Variants in ENPP2 observed in about 807,000 individuals in gnomAD.
ENPP2 encodes autotaxin.
ENPP2 carries 51 observed loss-of-function variants against 120.2 expected under a neutral mutation model. That is an observed-to-expected ratio of 0.42 (90% CI 0.34 to 0.54). ENPP2 has a LOEUF of 0.54. Among genes scored for constraint, ENPP2 ranks in the 20% least tolerant of loss-of-function variants. The pLI, the probability that ENPP2 is intolerant of heterozygous loss-of-function variation, is 0.04. For missense variants in ENPP2, 920 were observed against 1,066.5 expected, an observed-to-expected ratio of 0.86 and a Z score of 1.91; for synonymous variants, 365 against 366.4, an observed-to-expected ratio of 1.00 and a Z score of 0.04.
intron 19 of ENPP2, among the ~76,000 whole-genome samples, 174 bp downstream of exon 19, chr8:119,579,942 C>A (rs1401322533): frequency 6.6e-6 from 1 of 152,112 alleles, no homozygotes; most frequent in Non-Finnish European, 1.5e-5. Flanking sequence ...CAGCTGGCAT[C>A]TTGTGTACAT....
Position 119,617,495 on chromosome 8 carries a change from C to A in ENPP2, c.548G>T (p.Ser183Ile). Residue 183 changes from serine (S) to isoleucine (I), a missense_variant, in exon 6 of 25, where the codon AGC becomes ATC. By Grantham distance (142) the Ser-to-Ile change is moderately radical. Coordinates refer to ENST00000075322, the MANE Select transcript of ENPP2 (RefSeq NM_001040092.3). Reference protein sequence around the residue: ...GFRASYMKKGSKVMPNIEKLR... With the variant: ...GFRASYMKKGIKVMPNIEKLR... The stretch of plus-strand genomic sequence containing the variant: ...TTTTTCAATATTAGGCATGACTTTG[C>A]TGCCTTTCTTCATGTATGATGCACG... The A allele has an allele frequency of 6.2e-7, 1 of 1,612,778 alleles. No homozygotes were observed. Among genetic ancestry groups the A allele is most frequent in the Middle Eastern group, 1.7e-4 (1 of 6,058 alleles).
chr8:119,603,967 A>G (rs1814500130), intron 9 of ENPP2, among the ~76,000 whole-genome samples: 1 of 150,210 alleles, frequency 6.7e-6, no homozygotes, highest in South Asian at 2.1e-4. Context: ...TAGGTGCAAC[A>G]TTTAACCTCT....
chr8:119,645,739 C>T (rs1309668300), intron 1 of ENPP2, among the ~76,000 whole-genome samples: 1 of 150,016 alleles, frequency 6.7e-6, no homozygotes, highest in Non-Finnish European at 1.5e-5. Flanking sequence ...CGCTTGAACC[C>T]GGGGAGTGGA....
At chr8:119,631,678 C>T (rs1474576977) in intron 2 of ENPP2, among the ~76,000 whole-genome samples, 1 of 152,156 alleles carries the variant, frequency 6.6e-6, no homozygotes, top group African/African-American at 2.4e-5. Flanking sequence ...GGAATATTCA[C>T]TCTGCCTTTC....
In ENPP2 at chr8:119,615,568, C is replaced by A. The variant is rs1815401446; in HGVS notation, c.777+697G>T. ...TGATCTGAAGTAAACAGGGTGATTT[C>A]TTTTCAAAGTATTAATTTGCTATTT... On this transcript the variant is annotated intron_variant, in intron 8 of 24. Coordinates refer to ENST00000075322, the MANE Select transcript of ENPP2 (RefSeq NM_001040092.3). 2.0e-5 allele frequency among the ~76,000 whole-genome samples: 3 copies of A among 152,152 alleles called. No homozygotes were observed. The South Asian group carries it at 6.2e-4, about 31-fold the overall frequency.
At chr8:119,579,543 G>A (rs1038091109) in intron 19 of ENPP2, among the ~76,000 whole-genome samples, 2 of 148,630 alleles carry the variant, frequency 1.3e-5, no homozygotes, top group South Asian at 2.2e-4. Context: ...AGCGAGAAAC[G>A]CCTCTTAGTA....
In ENPP2 at chr8:119,636,951, C is replaced by T. The variant is rs73714489; in HGVS notation, c.136+1474G>A. On this transcript the variant is annotated intron_variant, in intron 2 of 24. Coordinates refer to ENST00000075322, the MANE Select transcript of ENPP2 (RefSeq NM_001040092.3). ...AATGACTGTTTTCCAAAAGAAGTCA[C>T]CTTTAAAAATAATGAGTGACTCAAT... Among the ~76,000 whole-genome samples, 469 of 152,034 alleles carry T rather than the reference C, an allele frequency of 3.1e-3. 3 individuals are homozygous for T. Among genetic ancestry groups the T allele is most frequent in the African/African-American group, 0.011 (455 of 41,466 alleles).
intron 2 of ENPP2, among the ~76,000 whole-genome samples, chr8:119,629,868 T>C (rs781711039): frequency 6.6e-5 from 10 of 152,068 alleles, no homozygotes; most frequent in Non-Finnish European, 1.3e-4. Context: ...GTACTTACAA[T>C]TGAATATTCC....
At chr8:119,593,459 C>T (rs1295529567) in intron 12 of ENPP2, among the ~76,000 whole-genome samples, 1 of 152,158 alleles carries the variant, frequency 6.6e-6, no homozygotes, top group Non-Finnish European at 1.5e-5. Context: ...CTATTAATGT[C>T]ACAAGGAAAC....
At chr8:119,647,584 A>G (rs1274356411) in intron 1 of ENPP2, among the ~76,000 whole-genome samples, 1 of 152,222 alleles carries the variant, frequency 6.6e-6, no homozygotes, top group Non-Finnish European at 1.5e-5. Flanking sequence ...GTTTCCAAAT[A>G]AAATCTTAAA....
intron 2 of ENPP2, 70 bp from the exon 3 acceptor site, chr8:119,626,790 G>A (rs1816311692): frequency 7.1e-7 from 1 of 1,415,870 alleles, no homozygotes; most frequent in Admixed American, 1.7e-5. Flanking sequence ...GTGGCACTGG[G>A]AAGCTGTGCG....
intron 1 of ENPP2, among the ~76,000 whole-genome samples, chr8:119,669,940 T>C (rs988640788): frequency 6.6e-6 from 1 of 152,226 alleles, no homozygotes; most frequent in Admixed American, 6.5e-5. Context: ...AAATTCTCCA[T>C]CACTTTCTAC....
chr8:119,613,218 G>A (rs918249726), intron 8 of ENPP2, among the ~76,000 whole-genome samples: 1 of 152,208 alleles, frequency 6.6e-6, no homozygotes, highest in Non-Finnish European at 1.5e-5. Context: ...TACAGCAAAC[G>A]ACTGCTTCTA....
intron 1 of ENPP2, among the ~76,000 whole-genome samples, chr8:119,665,563 G>C (rs989425691): frequency 1.3e-5 from 2 of 152,130 alleles, no homozygotes; most frequent in South Asian, 4.1e-4. Context: ...GAAGTTTTTA[G>C]ATTTCAAACT....
chr8:119,600,883 G>T, intron 10 of ENPP2, 133 bp from the exon 11 acceptor site: 2 of 605,334 alleles, frequency 3.3e-6, no homozygotes, highest in Non-Finnish European at 5.8e-6. Context: ...ATTCATGTTA[G>T]CATGAAAAAC....
At chr8:119,610,669 G>A (rs1269143158) in intron 8 of ENPP2, among the ~76,000 whole-genome samples, 6 of 151,922 alleles carry the variant, frequency 3.9e-5, no homozygotes, top group African/African-American at 9.7e-5. Flanking sequence ...TTGGGAGGCC[G>A]AAGAGGGTGG....
intron 21 of ENPP2, among the ~76,000 whole-genome samples, chr8:119,568,606 AT>A (rs1281903819): frequency 0.017 from 2,506 of 148,262 alleles, 59 homozygotes; most frequent in African/African-American, 0.055. Context: ...AGGGCTTCAG[AT>A]TTTTTTTTTT....
chr8:119,622,184 C>T (rs760139148), intron 3 of ENPP2, among the ~76,000 whole-genome samples: 1 of 152,194 alleles, frequency 6.6e-6, no homozygotes, highest in Non-Finnish European at 1.5e-5. Flanking sequence ...CCACCTTGGC[C>T]TCCCAATGTG....
intron 17 of ENPP2, 50 bp from the exon 18 acceptor site, chr8:119,582,652 G>A (rs1345343286): frequency 1.6e-5 from 21 of 1,308,272 alleles, no homozygotes; most frequent in Non-Finnish European, 2.3e-5. Flanking sequence ...TTTTTTTGAT[G>A]AGATATGGTA....
Sources: gnomAD v4.1 joint callset for allele counts (sites outside exome capture counted in the v4.1 genomes callset) on GRCh38, gnomAD v4.1.1 for gene constraint, MANE v1.5 for transcripts, NCBI Gene and HGNC (gene_info 2026-07-23, HGNC 2026-07-21) for gene names.